NFATC1: variants seen among roughly 807,000 people sequenced by gnomAD.
NFATC1 encodes nuclear factor of activated T-cells, cytoplasmic 1.
NFATC1 carries 22 observed loss-of-function variants against 76.0 expected under a neutral mutation model. The observed-to-expected ratio is 0.29, with a 90% CI of 0.21 to 0.41. The LOEUF (loss-of-function observed/expected upper bound fraction) is 0.41. Ranked by LOEUF, NFATC1 falls within the 10% of genes least tolerant of loss-of-function variation. The pLI, the probability that NFATC1 is intolerant of heterozygous loss-of-function variation, is 1.00. For missense variants in NFATC1, 1,357 were observed against 1,337.7 expected (o/e 1.01, Z -0.23); for synonymous variants, 704 against 613.1 (o/e 1.15, Z -2.19).
chr18:79,486,250 C>G lies in NFATC1; in HGVS notation c.2095C>G (p.Pro699Ala). ...QRFTYLPANVPIIKTEPTDDY... is the reference protein window; with the variant it reads ...QRFTYLPANVAIIKTEPTDDY... ...AATTTTTTTTTTCCTTCTCACAGTTCCAATTATAAAAACAGAACCCACTGA... is the reference window on the plus strand; with the variant it reads ...AATTTTTTTTTTCCTTCTCACAGTTGCAATTATAAAAACAGAACCCACTGA... Residue 699 changes from proline to alanine, a missense_variant and splice_region_variant, in exon 9 of 10, where the codon CCA (proline) becomes GCA (alanine). Around this residue, in one of 3 missense-constraint regions of NFATC1, gnomAD observed 424 missense variants for 395.4 expected, o/e 1.07. Coordinates refer to ENST00000427363, the MANE Select transcript of NFATC1 (RefSeq NM_001278669.2). 1 of 1,595,034 alleles carries G rather than the reference C, an allele frequency of 6.3e-7. No individual in the cohort carries two copies. Among genetic ancestry groups the G allele is most frequent in the Non-Finnish European group, 8.6e-7 (1 of 1,167,708 alleles).
At chr18:79,472,464 TC>T (rs2088826706) in intron 8 of NFATC1, among the ~76,000 whole-genome samples, 1 of 152,340 alleles carries the variant, frequency 6.6e-6, no homozygotes, top group East Asian at 1.9e-4. Context: ...TTCTGCCTTT[TC>T]CCTGGACTTT....
chr18:79,477,373 G>A (rs1353807504), intron 8 of NFATC1, among the ~76,000 whole-genome samples: 2 of 152,240 alleles, frequency 1.3e-5, no homozygotes, highest in Non-Finnish European at 2.9e-5. Flanking sequence ...TGTGGGCATG[G>A]GGGAGCAGGG....
chr18:79,448,157 C>T (rs1334656115), intron 3 of NFATC1: 3 of 154,482 alleles, frequency 1.9e-5, no homozygotes, highest in African/African-American at 7.2e-5. Context: ...ATAGACACCT[C>T]CATGCATGGT....
chr18:79,499,136 T>C (rs144941690), intron 9 of NFATC1, among the ~76,000 whole-genome samples: 1 of 152,244 alleles, frequency 6.6e-6, no homozygotes, highest in Admixed American at 6.5e-5. Context: ...GGAAACTGCA[T>C]AAGACACGAT....
intron 2 of NFATC1, among the ~76,000 whole-genome samples, chr18:79,432,632 T>C (rs1355397704): frequency 6.6e-6 from 1 of 152,198 alleles, no homozygotes; most frequent in African/African-American, 2.4e-5. Flanking sequence ...CGGACTCTGA[T>C]GGCAGAGGCG....
intron 9 of NFATC1, among the ~76,000 whole-genome samples, chr18:79,512,935 A>C (rs1395894955): frequency 1.3e-5 from 2 of 152,178 alleles, no homozygotes; most frequent in East Asian, 3.9e-4. Context: ...GTAGGTCCGC[A>C]CCCCACCCAC....
chr18:79,417,109 TG>T (rs377531599), intron 2 of NFATC1, among the ~76,000 whole-genome samples: 68 of 151,766 alleles, frequency 4.5e-4, no homozygotes, highest in African/African-American at 1.6e-3. Flanking sequence ...AGATGGGAGA[TG>T]GGCTATGGTG....
intron 8 of NFATC1, among the ~76,000 whole-genome samples, chr18:79,475,011 C>CGTT (rs768123039): frequency 1.5e-5 from 2 of 136,212 alleles, no homozygotes; most frequent in East Asian, 4.7e-4. Flanking sequence ...TCGCTGTCGA[C>CGTT]GTAAACCTGA....
Position 79,433,595 on chromosome 18 carries a change from C to G in NFATC1, c.1243C>G (p.Leu415Val). 1.2e-6 allele frequency: 2 copies of G among 1,613,310 alleles called. No homozygotes were observed. Among genetic ancestry groups the G allele is most frequent in the Non-Finnish European group, 1.7e-6 (2 of 1,179,950 alleles). Reference sequence around the variant, plus strand: ...CCCTTCCAGCCCGACCCTGCCCGCCCTGGACTGGCAGCTGCCGTCCCACTC... The same window carrying G: ...CCCTTCCAGCCCGACCCTGCCCGCCGTGGACTGGCAGCTGCCGTCCCACTC... ...TSYMSPTLPA[L>V]DWQLPSHSGP... The change falls in exon 3 of 10, where the codon CTG becomes GTG. Residue 415 changes from leucine to valine, a missense_variant. Around this residue, in one of 3 missense-constraint regions of NFATC1, gnomAD observed 691 missense variants for 613.1 expected, o/e 1.13. Transcript: ENST00000427363.
At chr18:79,489,929 A>G (rs1429623499) in intron 9 of NFATC1, among the ~76,000 whole-genome samples, 1 of 152,206 alleles carries the variant, frequency 6.6e-6, no homozygotes, top group Non-Finnish European at 1.5e-5. Context: ...ATGGAGGTTG[A>G]GATACCTGTG....
chr18:79,421,683 A>C (rs1179447968), intron 2 of NFATC1: 2 of 152,364 alleles, frequency 1.3e-5, no homozygotes, highest in Non-Finnish European at 2.9e-5. Context: ...TCCAGGAGTC[A>C]GCTGCAAGGC....
At chr18:79,476,591 C>G (rs192089129) in intron 8 of NFATC1, among the ~76,000 whole-genome samples, 1 of 152,308 alleles carries the variant, frequency 6.6e-6, no homozygotes, top group South Asian at 2.1e-4. Flanking sequence ...AGTACCTGAG[C>G]TCTGCGTCTG....
intron 2 of NFATC1, among the ~76,000 whole-genome samples, chr18:79,414,667 G>C (rs1032864180): frequency 6.6e-5 from 10 of 152,160 alleles, no homozygotes; most frequent in Non-Finnish European, 8.8e-5. Flanking sequence ...TCAAAGCTTG[G>C]GGGGACTGGC....
chr18:79,406,338 G>A (rs1459559439), intron 1 of NFATC1, among the ~76,000 whole-genome samples: 1 of 152,220 alleles, frequency 6.6e-6, no homozygotes, highest in East Asian at 1.9e-4. Context: ...GACAGTGAGG[G>A]GAAGTGTGTG....
chr18:79,426,136 C>G lies in NFATC1; in HGVS notation c.1227-7443C>G, dbSNP rs2086319875. The stretch of plus-strand genomic sequence containing the variant: ...GAGGTGGGAGGATCCCGTGAGGCCA[C>G]TGCACTCTAGCCTGGGTGACAGAGC... On this transcript the variant is annotated intron_variant, in intron 2 of 9. Coordinates refer to ENST00000427363, the MANE Select transcript of NFATC1 (RefSeq NM_001278669.2). Among the ~76,000 whole-genome samples the G allele has an allele frequency of 2.6e-5, 4 of 152,240 alleles. No individual in the cohort carries two copies. The South Asian group carries it at 8.3e-4, about 32-fold the overall frequency.
intron 7 of NFATC1, among the ~76,000 whole-genome samples, chr18:79,466,951 C>G (rs2144923396): frequency 6.6e-6 from 1 of 152,342 alleles, no homozygotes; most frequent in African/African-American, 2.4e-5. Flanking sequence ...GGCATCAGAG[C>G]AGGCAGAGCC....
chr18:79,469,473 T>C (rs994393744), intron 8 of NFATC1: 6 of 985,120 alleles, frequency 6.1e-6, no homozygotes, highest in Non-Finnish European at 2.4e-6. Flanking sequence ...ATGAAGCCGG[T>C]GGGGCTGAGC....
intron 2 of NFATC1, among the ~76,000 whole-genome samples, chr18:79,430,354 G>A (rs934207265): frequency 3.3e-5 from 5 of 152,114 alleles, no homozygotes; most frequent in African/African-American, 1.2e-4. Context: ...GGAATCCAGT[G>A]AGCCCAGTTT....
chr18:79,419,247 C>T (rs981706728), intron 2 of NFATC1, among the ~76,000 whole-genome samples: 1 of 152,200 alleles, frequency 6.6e-6, no homozygotes, highest in Non-Finnish European at 1.5e-5. Context: ...TGATCTGGAA[C>T]TCCTGGCCTG....
Sources: gnomAD v4.1 joint callset for allele counts (sites outside exome capture counted in the v4.1 genomes callset) on GRCh38, gnomAD v4.1.1 for gene constraint, gnomAD v4.1.1 regional missense constraint, MANE v1.5 for transcripts, NCBI Gene and HGNC (gene_info 2026-07-23, HGNC 2026-07-21) for gene names.